SLC35F1: variants seen among roughly 807,000 people sequenced by gnomAD.
The protein encoded by SLC35F1 is solute carrier family 35 member F1.
In SLC35F1, 14 loss-of-function variants were observed where a neutral mutation model predicts 48.7. The ratio of observed to expected loss-of-function variants is 0.29; its 90% CI spans 0.19 to 0.45. The LOEUF (loss-of-function observed/expected upper bound fraction) is 0.45, where lower values mean the gene tolerates loss of function less well. SLC35F1 is among the 20% of genes least tolerant of loss of function. SLC35F1 has a pLI of 1.00. For missense variants in SLC35F1, 404 were observed against 500.0 expected, an observed-to-expected ratio of 0.81 and a Z score of 1.83; for synonymous variants, 190 against 202.2, an observed-to-expected ratio of 0.94 and a Z score of 0.51.
chr6:118,192,193 G>C (rs778236750), intron 2 of SLC35F1, among the ~76,000 whole-genome samples: 7 of 152,170 alleles, frequency 4.6e-5, no homozygotes, highest in Non-Finnish European at 8.8e-5. Context: ...AAATTGTATA[G>C]CTAAGCAGTT....
At chr6:117,960,304 G>C (rs947048109) in intron 1 of SLC35F1, among the ~76,000 whole-genome samples, 2 of 151,140 alleles carry the variant, frequency 1.3e-5, no homozygotes, top group East Asian at 4.0e-4. Flanking sequence ...GTAAGGCACT[G>C]TGTTCCCTTG....
At chr6:118,298,486 A>G (rs1776218485) in intron 7 of SLC35F1, among the ~76,000 whole-genome samples, 1 of 152,082 alleles carries the variant, frequency 6.6e-6, no homozygotes, top group Admixed American at 6.5e-5. Flanking sequence ...ACAAATCCCC[A>G]GATAATGGCA....
chr6:117,955,078 T>A (rs1238763182), intron 1 of SLC35F1, among the ~76,000 whole-genome samples: 1 of 152,176 alleles, frequency 6.6e-6, no homozygotes, highest in East Asian at 1.9e-4. Context: ...AAATGTACCA[T>A]GGGTAAGTTC....
chr6:118,202,998 A>G (rs560685030), intron 2 of SLC35F1, among the ~76,000 whole-genome samples: 1 of 152,342 alleles, frequency 6.6e-6, no homozygotes, highest in African/African-American at 2.4e-5. Context: ...AATGCAGTAA[A>G]AAGCCTGAAC....
intron 1 of SLC35F1, among the ~76,000 whole-genome samples, chr6:118,137,036 AAAAT>A (rs1196399913): frequency 7.2e-5 from 11 of 152,232 alleles, no homozygotes; most frequent in Non-Finnish European, 7.3e-5. Context: ...TTGTTCTAGA[AAAAT>A]AAATAATCAT....
In SLC35F1 at chr6:118,314,409, C is replaced by T; in HGVS notation, c.*157C>T. The T allele has an allele frequency of 1.5e-6, 1 of 652,586 alleles. No homozygotes were observed. Among genetic ancestry groups the T allele is most frequent in the Non-Finnish European group, 2.7e-6 (1 of 376,660 alleles). The allele number at this position is 652,586 out of a possible 1,614,324, so 40.4% of individuals were successfully genotyped here. ...CAAAAGCTTGTGAAAGGAACAAGCT[C>T]AACATCACTGGAGACACAGGCTCTA... On this transcript the variant is annotated 3_prime_UTR_variant, in exon 8 of 8. Transcript: ENST00000360388.
At chr6:118,171,037 T>C (rs1378668930) in intron 2 of SLC35F1, among the ~76,000 whole-genome samples, 1 of 152,064 alleles carries the variant, frequency 6.6e-6, no homozygotes, top group East Asian at 1.9e-4. Context: ...TTTTTCTTTG[T>C]TCTTCTTTTT....
chr6:117,938,528 C>G (rs1183159143), intron 1 of SLC35F1, among the ~76,000 whole-genome samples: 1 of 152,220 alleles, frequency 6.6e-6, no homozygotes, highest in East Asian at 1.9e-4. Context: ...CCCAGCCCAC[C>G]TGCCCCCCTG....
At chr6:118,120,665 T>C (rs894908282) in intron 1 of SLC35F1, among the ~76,000 whole-genome samples, 2 of 152,186 alleles carry the variant, frequency 1.3e-5, no homozygotes, top group African/African-American at 4.8e-5. Flanking sequence ...ACAAATTCAT[T>C]ATACATTAAA....
chr6:118,163,859 C>G (rs1046777506), intron 2 of SLC35F1, among the ~76,000 whole-genome samples: 1 of 152,178 alleles, frequency 6.6e-6, no homozygotes, highest in African/African-American at 2.4e-5. Context: ...CAAAGCAGTC[C>G]CTGCAGTGAA....
intron 1 of SLC35F1, among the ~76,000 whole-genome samples, chr6:117,943,588 AT>A (rs1232807458): frequency 2.0e-5 from 3 of 152,228 alleles, no homozygotes; most frequent in Non-Finnish European, 4.4e-5. Flanking sequence ...AATAATTAAA[AT>A]TATCTTTCAA....
At chr6:118,016,226 A>G (rs532976581) in intron 1 of SLC35F1, among the ~76,000 whole-genome samples, 1 of 152,292 alleles carries the variant, frequency 6.6e-6, no homozygotes, top group African/African-American at 2.4e-5. Context: ...TAACCCATGC[A>G]TTAATGTTTT....
At chr6:117,970,455 C>G (rs957713299) in intron 1 of SLC35F1, among the ~76,000 whole-genome samples, 4 of 152,168 alleles carry the variant, frequency 2.6e-5, no homozygotes, top group African/African-American at 9.7e-5. Context: ...TAAATAGTGT[C>G]TTTTCAGTTA....
rs577383566 is a variant in SLC35F1, at chr6:117,919,347, A to G, written c.173+11448A>G. 5.9e-5 allele frequency among the ~76,000 whole-genome samples: 9 copies of G among 152,256 alleles called. No homozygotes were observed. The East Asian group carries it at 1.7e-3, about 29-fold the overall frequency. ...TCTCATTTGTAAACTGGTTAAAATA[A>G]TTCTAGTTTTTCATTTCCCCTTGGA... On this transcript the variant is annotated intron_variant, in intron 1 of 7. Coordinates refer to ENST00000360388, the MANE Select transcript of SLC35F1 (RefSeq NM_001029858.4).
chr6:118,139,415 A>G (rs1773850281), intron 1 of SLC35F1, among the ~76,000 whole-genome samples: 2 of 152,182 alleles, frequency 1.3e-5, no homozygotes, highest in Non-Finnish European at 2.9e-5. Flanking sequence ...CCCAGCCTTT[A>G]AAACTGTCTT....
At chr6:118,018,005 C>T (rs1360431782) in intron 1 of SLC35F1, among the ~76,000 whole-genome samples, 2 of 152,152 alleles carry the variant, frequency 1.3e-5, no homozygotes, top group Non-Finnish European at 2.9e-5. Flanking sequence ...AATCAAAGGA[C>T]AAACTTTATT....
chr6:118,286,038 C>T (rs910528817), intron 7 of SLC35F1, among the ~76,000 whole-genome samples: 3 of 152,174 alleles, frequency 2.0e-5, no homozygotes, highest in Admixed American at 6.5e-5. Flanking sequence ...ACACCACACT[C>T]ACTGCTGCCA....
intron 1 of SLC35F1, among the ~76,000 whole-genome samples, chr6:118,092,862 C>T (rs899409890): frequency 2.0e-5 from 3 of 152,124 alleles, no homozygotes; most frequent in Admixed American, 1.3e-4. Context: ...CCCTGTGCCC[C>T]CATTGTATCT....
intron 1 of SLC35F1, among the ~76,000 whole-genome samples, chr6:118,040,665 G>A (rs1409314928): frequency 6.6e-6 from 1 of 151,856 alleles, no homozygotes; most frequent in Admixed American, 6.6e-5. Context: ...GACATTAAAG[G>A]TTAGTAGTTT....
Sources: gnomAD v4.1 joint callset for allele counts (sites outside exome capture counted in the v4.1 genomes callset) on GRCh38, gnomAD v4.1.1 for gene constraint, MANE v1.5 for transcripts, NCBI Gene and HGNC (gene_info 2026-07-23, HGNC 2026-07-21) for gene names.